Variants in ADAMTS6 observed in about 807,000 individuals in gnomAD.
ADAMTS6 encodes the protein ADAM metallopeptidase with thrombospondin type 1 motif 6, also known as A disintegrin and metalloproteinase with thrombospondin motifs 6.
A neutral mutation model predicts 144.3 loss-of-function variants in ADAMTS6; 23 were observed. The observed-to-expected ratio is 0.16, with a 90% CI of 0.11 to 0.23. The LOEUF is 0.23. Among genes scored for constraint, ADAMTS6 ranks in the 10% least tolerant of loss-of-function variants. The pLI, the probability that ADAMTS6 is intolerant of heterozygous loss-of-function variation, is 1.00. For missense variants in ADAMTS6, 999 were observed against 1,379.6 expected, an observed-to-expected ratio of 0.72 and a Z score of 4.37; for synonymous variants, 444 against 457.5, an observed-to-expected ratio of 0.97 and a Z score of 0.38.
At chr5:65,446,280 GT>G (rs1021772615) in intron 7 of ADAMTS6, among the ~76,000 whole-genome samples, 13 of 152,000 alleles carry the variant, frequency 8.6e-5, no homozygotes, top group African/African-American at 2.7e-4. Flanking sequence ...AAGAAAACTT[GT>G]TTAAATGCAC....
At chr5:65,400,374 CT>C (rs1472041228) in intron 7 of ADAMTS6, among the ~76,000 whole-genome samples, 5 of 152,006 alleles carry the variant, frequency 3.3e-5, no homozygotes, top group Admixed American at 2.0e-4. Context: ...CTGCATATGG[CT>C]TTTTCGTTTT....
chr5:65,201,893 GC>G (rs1755763451), intron 20 of ADAMTS6, among the ~76,000 whole-genome samples: 1 of 152,154 alleles, frequency 6.6e-6, no homozygotes. Flanking sequence ...AGTATACAGA[GC>G]ATATGGCCAG....
intron 24 of ADAMTS6, among the ~76,000 whole-genome samples, chr5:65,167,992 C>T (rs1337733231): frequency 1.6e-4 from 23 of 140,820 alleles, no homozygotes; most frequent in African/African-American, 5.9e-4. Context: ...GATGCCCTCT[C>T]TCACCGCTCC....
Position 65,449,155 on chromosome 5 carries a change from AAT to A in ADAMTS6, c.1073+2318_1073+2319del, listed in dbSNP as rs1258702671. On this transcript the variant is annotated intron_variant, in intron 7 of 24. Transcript: ENST00000381055. The stretch of plus-strand genomic sequence containing the variant: ...AGGCTAGAAGTTACTTTGAAACTTT[AAT>A]AAGAGTTCAAAAAAGAATTCTACAC... Among the ~76,000 whole-genome samples, 3 of 152,354 alleles carry A rather than the reference AAT, an allele frequency of 2.0e-5. No homozygotes were observed. The East Asian group carries it at 5.8e-4, about 29-fold the overall frequency.
At chr5:65,302,106 AAATAT>A (rs1282656472) in intron 9 of ADAMTS6, among the ~76,000 whole-genome samples, 33 of 37,518 alleles carry the variant, frequency 8.8e-4, no homozygotes, top group African/African-American at 2.0e-3. Flanking sequence ...AAAAAAAAAA[AAATAT>A]ATATATATAT....
rs554401670 is a variant in ADAMTS6 at position 65,431,728 on chromosome 5, G to A, written c.1073+19747C>T. Among the ~76,000 whole-genome samples the A allele has an allele frequency of 3.9e-5, 6 of 152,170 alleles. No individual in the cohort carries two copies. The East Asian group carries it at 1.2e-3, about 29-fold the overall frequency. On this transcript the variant is annotated intron_variant, in intron 7 of 24. Transcript: ENST00000381055. Reference sequence around the variant, plus strand: ...TTGCCACATAGAGAAAATCTGAAATGAGAAAAACTGCAGAAACAGCAGGTT... The same window carrying A: ...TTGCCACATAGAGAAAATCTGAAATAAGAAAAACTGCAGAAACAGCAGGTT...
intron 7 of ADAMTS6, among the ~76,000 whole-genome samples, chr5:65,438,910 A>G (rs1757656813): frequency 2.0e-5 from 3 of 152,240 alleles, no homozygotes; most frequent in Non-Finnish European, 4.4e-5. Flanking sequence ...ATTTCTGTAC[A>G]AGAAAGATTA....
At chr5:65,321,996 G>A (rs1443027956) in intron 9 of ADAMTS6, among the ~76,000 whole-genome samples, 1 of 151,980 alleles carries the variant, frequency 6.6e-6, no homozygotes, top group African/African-American at 2.4e-5. Context: ...GATTACAGGT[G>A]TGAGCCACCG....
intron 15 of ADAMTS6, among the ~76,000 whole-genome samples, chr5:65,232,508 A>C (rs894579883): frequency 1.3e-5 from 2 of 152,084 alleles, no homozygotes; most frequent in Non-Finnish European, 2.9e-5. Context: ...TCAGAAATGG[A>C]AGAGGAGACA....
At chr5:65,398,390 C>A (rs1753533569) in intron 7 of ADAMTS6, among the ~76,000 whole-genome samples, 1 of 152,130 alleles carries the variant, frequency 6.6e-6, no homozygotes, top group Non-Finnish European at 1.5e-5. Flanking sequence ...CCTTCTTTAT[C>A]CTTGATAACT....
At chr5:65,353,605 A>G (rs1749054893) in intron 7 of ADAMTS6, among the ~76,000 whole-genome samples, 1 of 151,990 alleles carries the variant, frequency 6.6e-6, no homozygotes, top group South Asian at 2.1e-4. Context: ...ATTTGGAAAA[A>G]GCTTAAATGT....
chr5:65,471,179 C>A (rs1398026149), intron 2 of ADAMTS6, 37 bp from the exon 3 acceptor site: 5 of 1,544,772 alleles, frequency 3.2e-6, no homozygotes, highest in Non-Finnish European at 4.3e-6. Flanking sequence ...AGAAAAAAAA[C>A]ACATGGAAGA....
intron 12 of ADAMTS6, among the ~76,000 whole-genome samples, chr5:65,270,971 G>A (rs1561357224): frequency 1.3e-5 from 2 of 152,096 alleles, no homozygotes. Context: ...TTTAAAGAAA[G>A]GGTTTATGGA....
At chr5:65,278,206 T>G (rs1461931861) in intron 11 of ADAMTS6, among the ~76,000 whole-genome samples, 1 of 152,186 alleles carries the variant, frequency 6.6e-6, no homozygotes, top group Non-Finnish European at 1.5e-5. Flanking sequence ...ATATACCAGT[T>G]TCTTTGTTCA....
intron 3 of ADAMTS6, among the ~76,000 whole-genome samples, chr5:65,466,901 G>T (rs1278742745): frequency 6.6e-6 from 1 of 152,102 alleles, no homozygotes; most frequent in Non-Finnish European, 1.5e-5. Flanking sequence ...AATTAGCCGG[G>T]CGTAGTGGCG....
intron 9 of ADAMTS6, among the ~76,000 whole-genome samples, chr5:65,306,272 G>T (rs1378207461): frequency 3.3e-5 from 5 of 152,158 alleles, no homozygotes; most frequent in Non-Finnish European, 5.9e-5. Context: ...TGAACTCAAA[G>T]GTTGTGATTT....
chr5:65,463,768 C>T (rs1759797973), intron 3 of ADAMTS6, among the ~76,000 whole-genome samples: 2 of 152,186 alleles, frequency 1.3e-5, no homozygotes, highest in Non-Finnish European at 2.9e-5. Context: ...ATCTCCTCTA[C>T]CACCAGCTTC....
At chr5:65,404,440 C>G (rs1312503733) in intron 7 of ADAMTS6, among the ~76,000 whole-genome samples, 5 of 152,128 alleles carry the variant, frequency 3.3e-5, no homozygotes, top group African/African-American at 1.2e-4. Flanking sequence ...ATGATGGTTT[C>G]CAGCTTCATC....
chr5:65,188,247 G>A, intron 21 of ADAMTS6, 27 bp from the exon 22 acceptor site: 1 of 1,609,664 alleles, frequency 6.2e-7, no homozygotes, highest in Non-Finnish European at 8.5e-7. Context: ...AAGAAACACA[G>A]AAAAGCATTT....
Sources: allele counts gnomAD v4.1 joint callset (sites outside exome capture counted in the v4.1 genomes callset), GRCh38; gene constraint gnomAD v4.1.1; transcripts MANE v1.5; gene names NCBI Gene and HGNC (gene_info 2026-07-23, HGNC 2026-07-21).